C3orf70: variants seen among roughly 807,000 people sequenced by gnomAD.
The protein encoded by C3orf70 is UPF0524 protein C3orf70.
In C3orf70, 15 loss-of-function variants were observed where a neutral mutation model predicts 20.7. The observed-to-expected ratio is 0.72, with a 90% CI of 0.48 to 1.11. The LOEUF (loss-of-function observed/expected upper bound fraction) is 1.11. Among genes scored for constraint, C3orf70 ranks in the 50% most tolerant of loss-of-function variants. The probability of loss-of-function intolerance (pLI) is 0.00; values close to 1 mark genes in which losing one functional copy is unlikely to be tolerated. For missense variants in C3orf70, 332 were observed against 317.6 expected, an observed-to-expected ratio of 1.05 and a Z score of -0.34; for synonymous variants, 161 against 125.7, an observed-to-expected ratio of 1.28 and a Z score of -1.88.
intron 1 of C3orf70, among the ~76,000 whole-genome samples, chr3:185,121,580 G>A (rs1001803782): frequency 1.3e-5 from 2 of 152,050 alleles, no homozygotes; most frequent in Non-Finnish European, 2.9e-5. Context: ...CAATGGTCTT[G>A]AGCAAGAATT....
At chr3:185,113,395 A>C (rs1343044084) in intron 1 of C3orf70, among the ~76,000 whole-genome samples, 2 of 152,230 alleles carry the variant, frequency 1.3e-5, no homozygotes, top group East Asian at 3.8e-4. Flanking sequence ...ATAGAGGCTG[A>C]AGGAAACAAG....
intron 1 of C3orf70, among the ~76,000 whole-genome samples, chr3:185,133,404 A>G (rs1019842978): frequency 6.6e-6 from 1 of 152,260 alleles, no homozygotes; most frequent in African/African-American, 2.4e-5. Flanking sequence ...AAAGTAAAAT[A>G]TGAGAAACAA....
intron 1 of C3orf70, among the ~76,000 whole-genome samples, chr3:185,089,177 A>G (rs1715516030): frequency 6.6e-6 from 1 of 152,042 alleles, no homozygotes; most frequent in Non-Finnish European, 1.5e-5. Flanking sequence ...AATTCAACAT[A>G]TTTGGAGACT....
chr3:185,133,862 G>A (rs903751628), intron 1 of C3orf70, among the ~76,000 whole-genome samples: 8 of 152,174 alleles, frequency 5.3e-5, no homozygotes, highest in African/African-American at 1.9e-4. Context: ...GCTGAGGTGG[G>A]CAGATCACTT....
intron 1 of C3orf70, among the ~76,000 whole-genome samples, chr3:185,149,394 C>CAAAAAAAAAAA (rs34153305): frequency 1.9e-5 from 2 of 104,404 alleles, no homozygotes; most frequent in Non-Finnish European, 1.8e-5. Flanking sequence ...CTCTGTCTCC[C>CAAAAAAAAAAA]AAAAAAAAAA....
intron 1 of C3orf70, among the ~76,000 whole-genome samples, chr3:185,099,744 C>G (rs1175689755): frequency 6.6e-6 from 1 of 152,154 alleles, no homozygotes; most frequent in Non-Finnish European, 1.5e-5. Flanking sequence ...GGGCTACATG[C>G]CCCAATTAAA....
At chr3:185,095,884 G>A (rs1048353013) in intron 1 of C3orf70, among the ~76,000 whole-genome samples, 26 of 151,858 alleles carry the variant, frequency 1.7e-4, no homozygotes, top group African/African-American at 4.6e-4. Flanking sequence ...CTATAGGTGC[G>A]TGCCACCACT....
chr3:185,114,481 T>A (rs1356553233), intron 1 of C3orf70, among the ~76,000 whole-genome samples: 1 of 152,174 alleles, frequency 6.6e-6, no homozygotes, highest in Non-Finnish European at 1.5e-5. Context: ...TATTATAATT[T>A]AAATAGCAGT....
intron 1 of C3orf70, among the ~76,000 whole-genome samples, chr3:185,085,763 T>G (rs909219848): frequency 7.0e-6 from 1 of 142,234 alleles, no homozygotes; most frequent in African/African-American, 2.8e-5. Flanking sequence ...CACTATCGGC[T>G]GAAGGGCTAA....
intron 1 of C3orf70, among the ~76,000 whole-genome samples, chr3:185,124,916 C>T (rs1318482246): frequency 2.0e-5 from 3 of 152,148 alleles, no homozygotes; most frequent in East Asian, 3.8e-4. Flanking sequence ...AGATGTCCAA[C>T]ATCATTACGT....
At chr3:185,120,743 T>C (rs1426225969) in intron 1 of C3orf70, among the ~76,000 whole-genome samples, 1 of 147,658 alleles carries the variant, frequency 6.8e-6, no homozygotes. Flanking sequence ...GATGTTGGCA[T>C]GGATGCGGTG....
At chr3:185,089,240 T>C (rs1020147695) in intron 1 of C3orf70, among the ~76,000 whole-genome samples, 1 of 151,788 alleles carries the variant, frequency 6.6e-6, no homozygotes, top group African/African-American at 2.4e-5. Flanking sequence ...AGCTGCTCCT[T>C]CTCCCTCATT....
chr3:185,111,869 TA>T (rs1716079532), intron 1 of C3orf70, among the ~76,000 whole-genome samples: 2 of 152,238 alleles, frequency 1.3e-5, no homozygotes, highest in South Asian at 4.1e-4. Context: ...AATGTAATTA[TA>T]TTATTTGCCT....
rs560605058 is a variant in C3orf70 at position 185,100,634 on chromosome 3, G to C, written c.197-17071C>G. ...CCTAACATCACAACTAAATGAACTA[G>C]AAAACCAAGAGCAAGCCAATCCCAA... is the stretch of plus-strand genomic sequence containing the variant. On this transcript the variant is annotated intron_variant, in intron 1 of 1. Coordinates refer to ENST00000335012, the MANE Select transcript of C3orf70 (RefSeq NM_001025266.3). Among the ~76,000 whole-genome samples, 9 of 151,876 alleles carry C rather than the reference G, an allele frequency of 5.9e-5. No homozygotes were observed. In the South Asian group the frequency reaches 6.2e-4, roughly 11 times the overall value.
At chr3:185,150,099 T>C (rs1307176105) in intron 1 of C3orf70, among the ~76,000 whole-genome samples, 1 of 152,162 alleles carries the variant, frequency 6.6e-6, no homozygotes, top group Non-Finnish European at 1.5e-5. Context: ...AGGATTTCAA[T>C]AAGGTATTTG....
intron 1 of C3orf70, among the ~76,000 whole-genome samples, chr3:185,131,739 G>T (rs929353631): frequency 2.6e-5 from 4 of 152,196 alleles, no homozygotes; most frequent in Non-Finnish European, 5.9e-5. Context: ...GTGGAAAATT[G>T]AGCATAATGT....
At chr3:185,085,899 A>G (rs1715449456) in intron 1 of C3orf70, among the ~76,000 whole-genome samples, 1 of 152,194 alleles carries the variant, frequency 6.6e-6, no homozygotes, top group African/African-American at 2.4e-5. Context: ...AGAGTGGTAA[A>G]TAAAACGCGG....
intron 1 of C3orf70, among the ~76,000 whole-genome samples, chr3:185,141,367 A>G (rs979656502): frequency 1.3e-5 from 2 of 152,120 alleles, no homozygotes; most frequent in African/African-American, 4.8e-5. Context: ...TAAAAAAAAA[A>G]ACGAAACATG....
intron 1 of C3orf70, among the ~76,000 whole-genome samples, chr3:185,126,918 C>T (rs1025039600): frequency 1.3e-5 from 2 of 152,116 alleles, no homozygotes; most frequent in African/African-American, 4.8e-5. Context: ...ATGATAATCA[C>T]GTGATAAAAA....
Sources: allele counts gnomAD v4.1 joint callset (sites outside exome capture counted in the v4.1 genomes callset), GRCh38; gene constraint gnomAD v4.1.1; transcripts MANE v1.5; gene names NCBI Gene and HGNC (gene_info 2026-07-23, HGNC 2026-07-21).